ADGRG1: variants seen among roughly 807,000 people sequenced by gnomAD.
The protein encoded by ADGRG1 is adhesion G protein-coupled receptor G1, also known as 7-transmembrane protein with no EGF-like N-terminal domains-1.
In ADGRG1, 53 loss-of-function variants were observed where a neutral mutation model predicts 73.5. The observed-to-expected ratio is 0.72, with a 90% CI of 0.58 to 0.91. The LOEUF (loss-of-function observed/expected upper bound fraction) is 0.91, where lower values mean the gene tolerates loss of function less well. Among genes scored for constraint, ADGRG1 ranks in the 40% least tolerant of loss-of-function variants. The probability of loss-of-function intolerance (pLI) is 0.00; values close to 1 mark genes in which losing one functional copy is unlikely to be tolerated. For missense variants in ADGRG1, 795 were observed against 871.8 expected (o/e 0.91, Z 1.11); for synonymous variants, 394 against 374.4 (o/e 1.05, Z -0.60).
chr16:57,643,639 C>G, intron 1 of ADGRG1: 1 of 984,972 alleles, frequency 1.0e-6, no homozygotes, highest in African/African-American at 1.7e-5. Context: ...GCCTGGGCAC[C>G]TGCCAGCCTC....
In ADGRG1 at chr16:57,628,783, GAC is replaced by G. The variant is rs1190400001; in HGVS notation, c.-54_-53del. The G allele has an allele frequency of 1.0e-6, 1 of 985,490 alleles. No individual in the cohort carries two copies. Among genetic ancestry groups the G allele is most frequent in the Non-Finnish European group, 1.2e-6 (1 of 830,050 alleles). 61.0% of individuals were successfully genotyped at this position (985,490 alleles called of 1,614,324 possible). A position where few individuals can be genotyped will look rare whatever the true frequency, so the allele number is the denominator to read the frequency against. ...GGTCCAGCCGCCTGGCCCTGCGTGG[GAC>G]CCTCCACCTGGCAGCAGGTACCCAA... On this transcript the variant is annotated 5_prime_UTR_variant, in exon 1 of 14. Coordinates refer to ENST00000562631, the MANE Select transcript of ADGRG1 (RefSeq NM_201525.4).
intron 13 of ADGRG1, 37 bp from the exon 14 acceptor site, chr16:57,663,415 C>T (rs955135739): frequency 5.0e-6 from 8 of 1,610,166 alleles, no homozygotes; most frequent in Non-Finnish European, 6.8e-6. Context: ...GGGTGGGGCT[C>T]CCCCACCTGC....
chr16:57,642,554 A>G (rs2041124650), intron 1 of ADGRG1: 4 of 968,578 alleles, frequency 4.1e-6, no homozygotes, highest in South Asian at 4.8e-5. Flanking sequence ...AAACTGCCCA[A>G]CCAAGCTTTA....
In ADGRG1 at chr16:57,661,684, C is replaced by T. The variant is rs1273098925; in HGVS notation, c.1665-13C>T. 6.2e-7 allele frequency: 1 copy of T among 1,611,456 alleles called. No individual in the cohort carries two copies. Among genetic ancestry groups the T allele is most frequent in the Admixed American group, 1.7e-5 (1 of 59,524 alleles). Reference sequence around the variant, plus strand: ...GCTGGCCACACGCTGAGCCCTCCTGCCTTTGCCCGCAGGTGCTGGATCCGG... The same window carrying T: ...GCTGGCCACACGCTGAGCCCTCCTGTCTTTGCCCGCAGGTGCTGGATCCGG... On this transcript the variant is annotated splice_polypyrimidine_tract_variant and intron_variant, in intron 12 of 13. Transcript: ENST00000562631.
At position 57,656,206 on chromosome 16, in the gene ADGRG1, C is replaced by T; in HGVS notation, c.1018-20C>T. The T allele has an allele frequency of 6.2e-7, 1 of 1,613,534 alleles. No homozygotes were observed. The highest frequency in any genetic ancestry group is 8.5e-7 in the Non-Finnish European group (1 of 1,179,562). ...GTGGGGGGCTGTCACAGAAACCACT[C>T]TCCTTTCTTGTCCCTACAGAAGAAT... On this transcript the variant is annotated intron_variant, in intron 7 of 13. Transcript: ENST00000562631.
At chr16:57,652,921 T>C (rs1285787367) in intron 3 of ADGRG1, 3 of 1,292,136 alleles carry the variant, frequency 2.3e-6, no homozygotes, top group East Asian at 7.5e-5. Context: ...GCTCCGTGTG[T>C]GTAGCCGAAG....
chr16:57,653,717 C>A, intron 4 of ADGRG1: 1 of 828,020 alleles, frequency 1.2e-6, no homozygotes, highest in Non-Finnish European at 1.5e-6. Flanking sequence ...CCCACCACAC[C>A]ATTGCTCTCC....
At chr16:57,633,515 C>A (rs550933422) in intron 1 of ADGRG1, 1 of 985,336 alleles carries the variant, frequency 1.0e-6, no homozygotes, top group South Asian at 4.7e-5. Context: ...AGGCTGCCCC[C>A]TAGGAGAGGC....
At chr16:57,641,990 C>A (rs1872385717) in intron 1 of ADGRG1, 1 of 613,922 alleles carries the variant, frequency 1.6e-6, no homozygotes. Flanking sequence ...TGGGCTCAAG[C>A]AATTCTCTTG....
At chr16:57,644,006 A>T in intron 1 of ADGRG1, 1 of 985,050 alleles carries the variant, frequency 1.0e-6, no homozygotes, top group Non-Finnish European at 1.2e-6. Flanking sequence ...ATTTACTTTT[A>T]TTAAAAAAGT....
intron 2 of ADGRG1, 76 bp from the exon 3 acceptor site, chr16:57,651,124 G>A (rs2043976629): frequency 6.2e-7 from 1 of 1,607,096 alleles, no homozygotes; most frequent in African/African-American, 1.3e-5. Context: ...CATGTACTCA[G>A]CCTAGGTCCT....
intron 11 of ADGRG1, chr16:57,660,452 C>T: frequency 5.6e-6 from 5 of 892,586 alleles, no homozygotes; most frequent in Non-Finnish European, 6.7e-6. Flanking sequence ...CCCTCCTAAA[C>T]TGTCTGCCCC....
chr16:57,643,548 G>A (rs956748468), intron 1 of ADGRG1: 1 of 984,904 alleles, frequency 1.0e-6, no homozygotes, highest in Non-Finnish European at 1.2e-6. Flanking sequence ...TGAGGCCTGA[G>A]CTGGCGGTAT....
upstream of ADGRG1, chr16:57,623,328 A>G (rs141513218): frequency 7.0e-6 from 5 of 718,380 alleles, no homozygotes; most frequent in East Asian, 4.0e-4. Flanking sequence ...CCTGACCACA[A>G]GCTCCAGCGC....
At chr16:57,642,614 C>T in intron 1 of ADGRG1, 1 of 982,776 alleles carries the variant, frequency 1.0e-6, no homozygotes, top group Non-Finnish European at 1.2e-6. Flanking sequence ...TGCTAATATA[C>T]AACAGAAAGT....
At chr16:57,659,280 G>A in intron 10 of ADGRG1, 133 bp from the exon 11 acceptor site, 2 of 1,550,966 alleles carry the variant, frequency 1.3e-6, no homozygotes, top group East Asian at 2.3e-5. Flanking sequence ...ACAGGAATAG[G>A]ATAGGGGCCA....
At chr16:57,626,575 G>A (rs534269319), upstream of ADGRG1, 224 of 985,318 alleles carry the variant, frequency 2.3e-4, 1 homozygote, top group African/African-American at 3.3e-3. Flanking sequence ...AGCCAACTCC[G>A]CCCAGCCAGG....
At chr16:57,653,133 G>A (rs1567764134) in intron 3 of ADGRG1, 70 bp from the exon 4 acceptor site, 1 of 1,598,012 alleles carries the variant, frequency 6.3e-7, no homozygotes, top group Non-Finnish European at 8.5e-7. Flanking sequence ...AGGGTGGTAG[G>A]GGGCAGAATG....
intron 1 of ADGRG1, chr16:57,632,949 C>G (rs2038388048): frequency 1.0e-6 from 1 of 985,232 alleles, no homozygotes; most frequent in African/African-American, 1.7e-5. Flanking sequence ...ACACCAACTG[C>G]AAAACAAGGA....
Sources: allele counts gnomAD v4.1 joint callset, GRCh38; gene constraint gnomAD v4.1.1; transcripts MANE v1.5; gene names NCBI Gene and HGNC (gene_info 2026-07-23, HGNC 2026-07-21).